The following CPEB3 variants were observed in gnomAD, a reference collection of about 807,000 sequenced individuals.
The protein encoded by CPEB3 is cytoplasmic polyadenylation element binding protein 3, also known as cytoplasmic polyadenylation element-binding protein 3.
CPEB3 carries 20 observed loss-of-function variants against 67.2 expected under a neutral mutation model. The observed-to-expected ratio is 0.30, with a 90% CI of 0.21 to 0.43. The LOEUF (loss-of-function observed/expected upper bound fraction) is 0.43, where lower values mean the gene tolerates loss of function less well. Among genes scored for constraint, CPEB3 ranks in the 20% least tolerant of loss-of-function variants. The probability of loss-of-function intolerance (pLI) is 1.00; values close to 1 mark genes in which losing one functional copy is unlikely to be tolerated. For missense variants in CPEB3, 746 were observed against 968.6 expected (o/e 0.77, Z 3.05); for synonymous variants, 376 against 393.1 (o/e 0.96, Z 0.51).
intron 7 of CPEB3, among the ~76,000 whole-genome samples, chr10:92,108,441 CA>C (rs1844574095): frequency 6.6e-6 from 1 of 152,128 alleles, no homozygotes; most frequent in East Asian, 1.9e-4. Flanking sequence ...ATAAATGAGG[CA>C]GGGGGTGGTG....
chr10:92,051,228 T>C lies in CPEB3; in HGVS notation c.*984A>G, dbSNP rs1380255198. The C allele has an allele frequency of 6.6e-6, 1 of 152,656 alleles. No individual in the cohort carries two copies. The highest frequency in any genetic ancestry group is 1.9e-4 in the East Asian group (1 of 5,204). The allele number at this position is 152,656 out of a possible 1,614,324, so 9.5% of individuals were successfully genotyped here. The stretch of plus-strand genomic sequence containing the variant: ...CAATTCTTTGAATGAAAAAAACTTT[T>C]TTTAAAAAATGAGTATTTTTATAGC... On this transcript the variant is annotated 3_prime_UTR_variant, in exon 10 of 10. Transcript: ENST00000265997.
At chr10:92,245,882 T>C (rs1852038360) in intron 1 of CPEB3, among the ~76,000 whole-genome samples, 1 of 150,550 alleles carries the variant, frequency 6.6e-6, no homozygotes, top group African/African-American at 2.5e-5. Context: ...ACTAAAACTA[T>C]AAAAAATTAG....
chr10:92,102,681 T>C (rs951524421), intron 7 of CPEB3, among the ~76,000 whole-genome samples: 1 of 152,258 alleles, frequency 6.6e-6, no homozygotes, highest in African/African-American at 2.4e-5. Context: ...CTTTGCACTA[T>C]ATTTGATTTA....
intron 1 of CPEB3, among the ~76,000 whole-genome samples, chr10:92,254,765 C>T (rs1489807170): frequency 6.6e-6 from 1 of 152,054 alleles, no homozygotes; most frequent in Non-Finnish European, 1.5e-5. Context: ...CTCAAGAGAT[C>T]CTCCCACCTC....
chr10:92,099,427 T>C (rs375426595), intron 7 of CPEB3, among the ~76,000 whole-genome samples: 2 of 152,040 alleles, frequency 1.3e-5, no homozygotes, highest in Admixed American at 1.3e-4. Context: ...GCTAGGATTA[T>C]AGGCATGAGC....
intron 1 of CPEB3, among the ~76,000 whole-genome samples, chr10:92,251,247 C>T (rs761405613): frequency 3.9e-5 from 6 of 152,146 alleles, no homozygotes; most frequent in African/African-American, 7.2e-5. Context: ...AATCACCTAA[C>T]GATGCATTTC....
At chr10:92,234,661 G>A (rs1216629129) in intron 2 of CPEB3, among the ~76,000 whole-genome samples, 1 of 152,182 alleles carries the variant, frequency 6.6e-6, no homozygotes, top group Admixed American at 6.5e-5. Flanking sequence ...GGGCACAGTG[G>A]CTCATGCCTG....
At chr10:92,182,369 C>G (rs972504906) in intron 3 of CPEB3, among the ~76,000 whole-genome samples, 1 of 152,074 alleles carries the variant, frequency 6.6e-6, no homozygotes, top group Non-Finnish European at 1.5e-5. Context: ...GTTCTTTTTG[C>G]CCAAAAGGAA....
At chr10:92,168,404 T>C (rs928953775) in intron 4 of CPEB3, among the ~76,000 whole-genome samples, 1 of 152,212 alleles carries the variant, frequency 6.6e-6, no homozygotes. Context: ...GATAAAAGAA[T>C]AAAGAGGCTT....
At chr10:92,195,252 C>T (rs1171012913) in intron 2 of CPEB3, among the ~76,000 whole-genome samples, 3 of 152,130 alleles carry the variant, frequency 2.0e-5, no homozygotes, top group Non-Finnish European at 4.4e-5. Flanking sequence ...GATCATTTAT[C>T]CTCTTCTATG....
intron 7 of CPEB3, among the ~76,000 whole-genome samples, chr10:92,109,546 C>A (rs568959500): frequency 6.6e-6 from 1 of 152,268 alleles, no homozygotes; most frequent in South Asian, 2.1e-4. Context: ...GCTACTGTAC[C>A]TGGCCAGGTA....
intron 6 of CPEB3, among the ~76,000 whole-genome samples, chr10:92,125,724 C>CTT (rs35409082): frequency 2.1e-5 from 3 of 143,878 alleles, no homozygotes; most frequent in African/African-American, 5.1e-5. Context: ...AGGAAACAGA[C>CTT]TTTTTTTTTT....
At chr10:92,214,195 C>T (rs985222082) in intron 2 of CPEB3, among the ~76,000 whole-genome samples, 1 of 152,090 alleles carries the variant, frequency 6.6e-6, no homozygotes, top group Non-Finnish European at 1.5e-5. Flanking sequence ...AGGGCTCCAC[C>T]CTCATGCATG....
intron 1 of CPEB3, among the ~76,000 whole-genome samples, chr10:92,282,997 T>C (rs1842363520): frequency 1.3e-5 from 2 of 152,276 alleles, no homozygotes; most frequent in South Asian, 4.1e-4. Context: ...ATGCCTGTAA[T>C]CCCAGAACTT....
chr10:92,275,580 C>T (rs937528582), intron 1 of CPEB3, among the ~76,000 whole-genome samples: 2 of 152,054 alleles, frequency 1.3e-5, no homozygotes, highest in Non-Finnish European at 2.9e-5. Flanking sequence ...AATTCAGTGG[C>T]TTTTAGTATA....
intron 1 of CPEB3, among the ~76,000 whole-genome samples, chr10:92,280,609 C>A (rs1299370527): frequency 7.5e-5 from 11 of 147,286 alleles, no homozygotes; most frequent in African/African-American, 2.5e-4. Flanking sequence ...GTAGTCCCAG[C>A]CACTTGGGAG....
chr10:92,052,886 A>T (rs1469429628), intron 9 of CPEB3, among the ~76,000 whole-genome samples: 1 of 152,248 alleles, frequency 6.6e-6, no homozygotes, highest in Admixed American at 6.5e-5. Context: ...GAGAGGAAGC[A>T]GCCAGGACAA....
intron 1 of CPEB3, among the ~76,000 whole-genome samples, chr10:92,241,545 A>G (rs2134695351): frequency 6.6e-6 from 1 of 152,314 alleles, no homozygotes; most frequent in Admixed American, 6.5e-5. Context: ...AGAGGAGTAC[A>G]AAGTCTCAAA....
chr10:92,237,637 T>A lies in CPEB3; in HGVS notation c.1005+1709A>T, dbSNP rs145366595. On this transcript the variant is annotated intron_variant, in intron 2 of 9. Transcript: ENST00000265997. ...TATTATCAGCTCCCAAAACTCCCTA[T>A]AAGATTTTAGGTTATCCTCTAAGAC... is the stretch of plus-strand genomic sequence containing the variant. 2.6e-5 allele frequency among the ~76,000 whole-genome samples: 4 copies of A among 152,268 alleles called. No homozygotes were observed. In the East Asian group the frequency reaches 5.8e-4, roughly 22 times the overall value.
Sources: allele counts gnomAD v4.1 joint callset (sites outside exome capture counted in the v4.1 genomes callset), GRCh38; gene constraint gnomAD v4.1.1; transcripts MANE v1.5; gene names NCBI Gene and HGNC (gene_info 2026-07-23, HGNC 2026-07-21).